PPM1D: variants seen among roughly 807,000 people sequenced by gnomAD.
The protein encoded by PPM1D is protein phosphatase 1D.
Under a neutral mutation model 58.3 loss-of-function variants are expected in PPM1D, and 52 were observed. The observed-to-expected ratio is 0.89, with a 90% CI of 0.71 to 1.12. The LOEUF (loss-of-function observed/expected upper bound fraction) is 1.12. Ranked by LOEUF, PPM1D falls within the 50% of genes most tolerant of loss-of-function variation. PPM1D has a pLI of 0.00. For synonymous variants in PPM1D, 278 were observed against 285.1 expected, an observed-to-expected ratio of 0.98 and a Z score of 0.25; for missense variants, 564 against 777.2, an observed-to-expected ratio of 0.73 and a Z score of 3.26.
At chr17:60,643,888 T>TTC (rs1555647471) in intron 3 of PPM1D, among the ~76,000 whole-genome samples, 1 of 138,648 alleles carries the variant, frequency 7.2e-6, no homozygotes, top group Non-Finnish European at 1.6e-5. Context: ...CTTTTCTTTT[T>TTC]TTTTTTTTTT....
chr17:60,653,003 T>C (rs995175844), intron 4 of PPM1D, among the ~76,000 whole-genome samples: 6 of 152,184 alleles, frequency 3.9e-5, no homozygotes, highest in Admixed American at 2.6e-4. Flanking sequence ...TTTTAGCTTG[T>C]ATTTTCATTT....
At chr17:60,602,032 A>G (rs2030224039) in intron 1 of PPM1D, among the ~76,000 whole-genome samples, 2 of 152,332 alleles carry the variant, frequency 1.3e-5, no homozygotes, top group Admixed American at 1.3e-4. Flanking sequence ...TTAGAAAGGT[A>G]TTGTCATAGA....
intron 1 of PPM1D, among the ~76,000 whole-genome samples, chr17:60,613,395 C>T (rs2030501176): frequency 1.3e-5 from 2 of 152,218 alleles, no homozygotes; most frequent in Admixed American, 6.5e-5. Context: ...GAGTATGTGC[C>T]CTAGAGTTGT....
chr17:60,615,640 C>T (rs2030566672), intron 1 of PPM1D, among the ~76,000 whole-genome samples: 1 of 150,496 alleles, frequency 6.6e-6, no homozygotes, highest in African/African-American at 2.4e-5. Context: ...TACTAAAGTT[C>T]CTTTGGAAAA....
chr17:60,655,434 C>T (rs929404254), intron 4 of PPM1D, among the ~76,000 whole-genome samples: 2 of 152,210 alleles, frequency 1.3e-5, no homozygotes, highest in Non-Finnish European at 2.9e-5. Context: ...CTGTAACCTC[C>T]GCCTCCCAGG....
At chr17:60,662,231 A>G (rs1009264180) in intron 5 of PPM1D, 2 of 152,240 alleles carry the variant, frequency 1.3e-5, no homozygotes, top group Non-Finnish European at 2.9e-5. Flanking sequence ...TCCTGACCTC[A>G]AATGATCTGC....
Position 60,656,615 on chromosome 17 carries a change from C to G in PPM1D, c.1034C>G (p.Ser345Cys). The G allele has an allele frequency of 6.2e-7, 1 of 1,614,182 alleles. No homozygotes were observed. Among genetic ancestry groups the G allele is most frequent in the Non-Finnish European group, 8.5e-7 (1 of 1,180,018 alleles). The stretch of plus-strand genomic sequence containing the variant: ...TGAATACAGGGTGAGCATGGACAAT[C>G]TTGTGCCAAAATGCTTGTGAATCGA... ...KKYLMGEHGQSCAKMLVNRAL... is the reference protein window; with the variant it reads ...KKYLMGEHGQCCAKMLVNRAL... The change falls in exon 5 of 6, where the codon TCT (serine) becomes TGT (cysteine). Residue 345 changes from serine to cysteine, a missense_variant. This residue lies in a region of PPM1D where 34 missense variants were observed against 34.3 expected (regional missense o/e 0.99). Transcript: ENST00000305921.
rs71148308 is a variant in PPM1D, at chr17:60,643,883, C to CTTTTTTTTTTT, written c.827-3998_827-3988dup. Among the ~76,000 whole-genome samples, 266 of 97,638 alleles carry CTTTTTTTTTTT rather than the reference C, an allele frequency of 2.7e-3. 2 individuals carry two copies. Among genetic ancestry groups the CTTTTTTTTTTT allele is most frequent in the East Asian group, 4.4e-3 (14 of 3,216 alleles). The allele number at this position is 97,638 out of a possible 152,430, so 64.1% of individuals were successfully genotyped here. On this transcript the variant is annotated intron_variant, in intron 3 of 5. Coordinates refer to ENST00000305921, the MANE Select transcript of PPM1D (RefSeq NM_003620.4). ...TTGTGCAATAGAACTCTTTTCTTTT[C>CTTTTTTTTTTT]TTTTTTTTTTTTTTTTTTTTTGAGA...
intron 3 of PPM1D, among the ~76,000 whole-genome samples, chr17:60,642,302 G>A (rs1023988477): frequency 1.4e-5 from 2 of 144,374 alleles, no homozygotes; most frequent in African/African-American, 5.1e-5. Flanking sequence ...GAATAAAAAA[G>A]AATCTGTAAG....
intron 1 of PPM1D, among the ~76,000 whole-genome samples, chr17:60,616,291 A>AG (rs1405227492): frequency 6.6e-6 from 1 of 151,454 alleles, no homozygotes; most frequent in East Asian, 1.9e-4. Context: ...CTGTCTCAAA[A>AG]AAAAAAAAAA....
intron 1 of PPM1D, among the ~76,000 whole-genome samples, chr17:60,614,480 C>G (rs1299960893): frequency 2.0e-5 from 3 of 152,160 alleles, no homozygotes; most frequent in Non-Finnish European, 4.4e-5. Flanking sequence ...CTCTGTAAAA[C>G]AGACTAATCA....
intron 1 of PPM1D, among the ~76,000 whole-genome samples, chr17:60,607,346 G>T (rs1407588233): frequency 2.6e-5 from 4 of 152,044 alleles, no homozygotes; most frequent in African/African-American, 9.7e-5. Context: ...GCAATGGTGC[G>T]ATCTCAGCTC....
chr17:60,613,637 G>T (rs907955006), intron 1 of PPM1D, among the ~76,000 whole-genome samples: 1 of 152,254 alleles, frequency 6.6e-6, no homozygotes, highest in African/African-American at 2.4e-5. Context: ...TGGGAACTGG[G>T]GCTGCGTGCT....
At chr17:60,636,405 C>T (rs768094972) in intron 3 of PPM1D, among the ~76,000 whole-genome samples, 17 of 152,148 alleles carry the variant, frequency 1.1e-4, no homozygotes, top group Non-Finnish European at 2.2e-4. Flanking sequence ...AACAAAAATT[C>T]CTGCACCCAT....
At chr17:60,631,901 G>A (rs369381676) in intron 2 of PPM1D, among the ~76,000 whole-genome samples, 26 of 152,058 alleles carry the variant, frequency 1.7e-4, no homozygotes, top group African/African-American at 5.6e-4. Flanking sequence ...ATTTCAGGCC[G>A]GGCGCGGTGG....
At chr17:60,601,844 A>G (rs1315438265) in intron 1 of PPM1D, among the ~76,000 whole-genome samples, 1 of 152,214 alleles carries the variant, frequency 6.6e-6, no homozygotes, top group East Asian at 1.9e-4. Flanking sequence ...TTACAGCATT[A>G]TAATTGCTTA....
At position 60,601,228 on chromosome 17, in the gene PPM1D, G is replaced by C. The variant is rs73990904; in HGVS notation, c.472+342G>C. 0.047 allele frequency among the ~76,000 whole-genome samples: 7,110 copies of C among 152,238 alleles called. 587 individuals are homozygous for C. Among genetic ancestry groups the C allele is most frequent in the African/African-American group, 0.16 (6,706 of 41,518 alleles). On this transcript the variant is annotated intron_variant, in intron 1 of 5. Transcript: ENST00000305921. ...CCAGATTTTGGCCAAAAGATAAATC[G>C]ATGTTGCACCTGGGCCAGGCGAAGG...
intron 3 of PPM1D, among the ~76,000 whole-genome samples, chr17:60,645,544 A>ATATG (rs1423861658): frequency 1.5e-5 from 2 of 135,416 alleles, no homozygotes; most frequent in Non-Finnish European, 3.1e-5. Flanking sequence ...GTGTATATAT[A>ATATG]TGTATATATA....
At chr17:60,620,088 C>T (rs553134673) in intron 1 of PPM1D, among the ~76,000 whole-genome samples, 1 of 151,638 alleles carries the variant, frequency 6.6e-6, no homozygotes, top group African/African-American at 2.4e-5. Context: ...AAACTCCACC[C>T]CCTGGGTTCA....
Sources: gnomAD v4.1 joint callset for allele counts (sites outside exome capture counted in the v4.1 genomes callset) on GRCh38, gnomAD v4.1.1 for gene constraint, gnomAD v4.1.1 regional missense constraint, MANE v1.5 for transcripts, NCBI Gene and HGNC (gene_info 2026-07-23, HGNC 2026-07-21) for gene names.